Variants in CELF2 observed in about 807,000 individuals in gnomAD.
The protein encoded by CELF2 is CUGBP Elav-like family member 2, also known as CUG triplet repeat RNA-binding protein 2.
CELF2 carries 8 observed loss-of-function variants against 62.6 expected under a neutral mutation model. The ratio of observed to expected loss-of-function variants is 0.13; its 90% CI spans 0.07 to 0.23. CELF2 has a LOEUF of 0.23. Ranked by LOEUF, CELF2 falls within the 10% of genes least tolerant of loss-of-function variation. CELF2 has a pLI of 1.00. For missense variants in CELF2, 333 were observed against 671.0 expected (o/e 0.50, Z 5.56); for synonymous variants, 258 against 250.0 (o/e 1.03, Z -0.30).
At chr10:11,245,977 C>T (rs961221041) in intron 3 of CELF2, among the ~76,000 whole-genome samples, 1 of 152,208 alleles carries the variant, frequency 6.6e-6, no homozygotes, top group African/African-American at 2.4e-5. Flanking sequence ...TCACCTGTGT[C>T]TATGCAGTCA....
At chr10:10,783,032 T>C in the CELF2 span, among the ~76,000 whole-genome samples, 2 of 152,202 alleles carry the variant, frequency 1.3e-5, no homozygotes, top group African/African-American at 2.4e-5. Context: ...TAAAATCCTA[T>C]ATAGGTTTAA....
intron 2 of CELF2, among the ~76,000 whole-genome samples, chr10:10,962,009 CT>C (rs1328613903): frequency 1.3e-5 from 2 of 151,888 alleles, no homozygotes; most frequent in African/African-American, 4.8e-5. Flanking sequence ...AGGAGGATCA[CT>C]TGAGGCCAGG....
chr10:11,029,503 TG>T (rs1159726992), intron 1 of CELF2, among the ~76,000 whole-genome samples: 1 of 152,234 alleles, frequency 6.6e-6, no homozygotes, highest in Non-Finnish European at 1.5e-5. Flanking sequence ...TGGCACCTAC[TG>T]TAGCTGAGAG....
In CELF2 at chr10:11,248,375, A is replaced by G. The variant is rs376294891; in HGVS notation, c.355-778A>G. Reference sequence around the variant, plus strand: ...GGCCCCGCTGTGTCTAGTCCTTTCTACTCCTGTCATGTACTGGACATGATC... The same window carrying G: ...GGCCCCGCTGTGTCTAGTCCTTTCTGCTCCTGTCATGTACTGGACATGATC... On this transcript the variant is annotated intron_variant, in intron 3 of 12. Transcript: ENST00000633077. Among the ~76,000 whole-genome samples the G allele has an allele frequency of 4.6e-5, 7 of 150,956 alleles. No individual in the cohort carries two copies. In the South Asian group the frequency reaches 1.3e-3, roughly 27 times the overall value.
rs2066047615 is a variant in CELF2 at position 10,931,445 on chromosome 10, A to T, written c.89+11446A>T. 6.6e-6 allele frequency among the ~76,000 whole-genome samples: 1 copy of T among 152,150 alleles called. No homozygotes were observed. Among genetic ancestry groups the T allele is most frequent in the Non-Finnish European group, 1.5e-5 (1 of 68,030 alleles). On this transcript the variant is annotated intron_variant, in intron 2 of 13. Transcript: ENST00000636488. This position sits in a 1 kb window ranked among gnomAD's most constrained non-coding sequence, Gnocchi z 6.1. Reference sequence around the variant, plus strand: ...AGAAACTCATACTGGAAACATGATTATCCAGTGAGTAAGTGGAAACTCTAT... The same window carrying T: ...AGAAACTCATACTGGAAACATGATTTTCCAGTGAGTAAGTGGAAACTCTAT...
At chr10:11,192,584 C>A (rs1324346100) in intron 2 of CELF2, among the ~76,000 whole-genome samples, 1 of 152,240 alleles carries the variant, frequency 6.6e-6, no homozygotes, top group Non-Finnish European at 1.5e-5. Flanking sequence ...CCATGGCAGT[C>A]TCATGACAAT....
At chr10:10,608,638 G>A in the CELF2 span, among the ~76,000 whole-genome samples, 5 of 152,152 alleles carry the variant, frequency 3.3e-5, no homozygotes, top group East Asian at 7.7e-4. Flanking sequence ...AGCAAATGAG[G>A]CCTGACCTCA....
At position 11,165,534 on chromosome 10, in the gene CELF2, A is replaced by G; in HGVS notation, c.123A>G (p.Gln41=). Residue 41 remains glutamine (Q), a synonymous_variant, in exon 2 of 13, where the codon CAA becomes CAG. Coordinates refer to ENST00000633077, the MANE Select transcript of CELF2 (RefSeq NM_001326342.2). This position sits in a 1 kb window ranked among gnomAD's most constrained non-coding sequence, Gnocchi z 7.4. ...ACGGAGCTTTGGATCACTCAGACCA[A>G]CCAGACCCAGATGCCATTAAGATGT... ...KMNGALDHSD[Q]PDPDAIKMFV... The G allele has an allele frequency of 6.2e-7, 1 of 1,614,092 alleles. No homozygotes were observed. The highest frequency in any genetic ancestry group is 8.5e-7 in the Non-Finnish European group (1 of 1,180,008).
In CELF2 at chr10:11,017,916, C is replaced by G. The variant is rs1010419939; in HGVS notation, c.-174C>G. 2.5e-5 allele frequency: 25 copies of G among 981,290 alleles called. 1 individual carries two copies. In the East Asian group the frequency reaches 5.7e-4, roughly 22 times the overall value. The allele number at this position is 981,290 out of a possible 1,614,324, so 60.8% of individuals were successfully genotyped here. ...GGCGCTCGGCAGCCGGCCGCCCCGG[C>G]GCTGGATTTCGGAGGGGATTGGCGG... is the stretch of plus-strand genomic sequence containing the variant. On this transcript the variant is annotated 5_prime_UTR_variant, in exon 1 of 13. Coordinates refer to ENST00000633077, the MANE Select transcript of CELF2 (RefSeq NM_001326342.2). The surrounding 1 kb of genome is among the most constrained non-coding windows in gnomAD (Gnocchi z 5.5).
intron 1 of CELF2, among the ~76,000 whole-genome samples, chr10:11,076,470 T>C (rs2141189008): frequency 6.6e-6 from 1 of 152,324 alleles, no homozygotes; most frequent in African/African-American, 2.4e-5. Flanking sequence ...CTTTAATATC[T>C]GTGGACAGAC....
chr10:10,891,367 G>A (rs1359105312), intron 1 of CELF2, among the ~76,000 whole-genome samples: 1 of 151,940 alleles, frequency 6.6e-6, no homozygotes, highest in East Asian at 1.9e-4. Flanking sequence ...TGAAAGAATA[G>A]CTCTTAATAT....
intron 1 of CELF2, among the ~76,000 whole-genome samples, chr10:10,817,643 A>G (rs955667996): frequency 1.3e-5 from 2 of 152,010 alleles, no homozygotes; most frequent in Admixed American, 1.3e-4. Flanking sequence ...TGTTGTTGCA[A>G]ACGACTCGAT....
the CELF2 span, among the ~76,000 whole-genome samples, chr10:10,713,906 G>T: frequency 6.6e-6 from 1 of 152,062 alleles, no homozygotes; most frequent in Admixed American, 6.6e-5. Flanking sequence ...GTGGCGGCAC[G>T]TGTCTGTAAT....
intron 1 of CELF2, among the ~76,000 whole-genome samples, chr10:10,881,906 T>C (rs1353573069): frequency 2.0e-5 from 3 of 152,210 alleles, no homozygotes; most frequent in African/African-American, 2.4e-5. Flanking sequence ...TGTTTTGAGA[T>C]TGGGGGCAAT....
chr10:10,941,981 G>T (rs2047099935), intron 2 of CELF2, among the ~76,000 whole-genome samples: 1 of 117,096 alleles, frequency 8.5e-6, no homozygotes, highest in Non-Finnish European at 1.7e-5. Flanking sequence ...GTGACAGTGA[G>T]ACTCTGTCTC....
At chr10:10,816,759 C>T (rs1429653235) in intron 1 of CELF2, among the ~76,000 whole-genome samples, 1 of 152,162 alleles carries the variant, frequency 6.6e-6, no homozygotes, top group South Asian at 2.1e-4. Flanking sequence ...ACAGGTGATT[C>T]CATGTAACGA....
chr10:10,827,464 A>G (rs968251638), intron 1 of CELF2, among the ~76,000 whole-genome samples: 6 of 152,252 alleles, frequency 3.9e-5, no homozygotes, highest in Admixed American at 3.9e-4. Flanking sequence ...TTGGAAAAGC[A>G]TCAGTGAAGA....
intron 1 of CELF2, among the ~76,000 whole-genome samples, chr10:10,826,682 T>G (rs1211705512): frequency 2.0e-5 from 3 of 152,152 alleles, no homozygotes; most frequent in Non-Finnish European, 4.4e-5. Flanking sequence ...ATCCAGATGA[T>G]GAAATGGAAA....
chr10:10,763,754 T>C, the CELF2 span, among the ~76,000 whole-genome samples: 1 of 152,166 alleles, frequency 6.6e-6, no homozygotes, highest in African/African-American at 2.4e-5. Context: ...TGTCAGAACA[T>C]GGAGAGGGAG....
Sources: allele counts gnomAD v4.1 joint callset (sites outside exome capture counted in the v4.1 genomes callset), GRCh38; gene constraint gnomAD v4.1.1; non-coding constraint Gnocchi (gnomAD v3.1); transcripts MANE v1.5; gene names NCBI Gene and HGNC (gene_info 2026-07-23, HGNC 2026-07-21).